Variants in CRADD observed in about 807,000 individuals in gnomAD.
CRADD encodes the protein death domain-containing protein CRADD.
In CRADD, 9 loss-of-function variants were observed where a neutral mutation model predicts 15.5. The observed-to-expected ratio is 0.58, with a 90% CI of 0.35 to 1.01. CRADD has a LOEUF of 1.01. Ranked by LOEUF, CRADD falls within the 50% of genes least tolerant of loss-of-function variation. The pLI is 0.02. For synonymous variants in CRADD, 118 were observed against 107.6 expected, an observed-to-expected ratio of 1.10 and a Z score of -0.60; for missense variants, 227 against 250.3, an observed-to-expected ratio of 0.91 and a Z score of 0.63.
intron 2 of CRADD, among the ~76,000 whole-genome samples, chr12:93,839,736 T>C (rs1034486500): frequency 6.6e-6 from 1 of 152,256 alleles, no homozygotes. Context: ...AATCACCTGT[T>C]CATACCTTTG....
chr12:93,853,991 A>G (rs75883000), downstream of CRADD, among the ~76,000 whole-genome samples: 1,230 of 152,312 alleles, frequency 8.1e-3, 12 homozygotes, highest in African/African-American at 0.026. Flanking sequence ...TACATTCATC[A>G]TATGTTACAA....
Position 93,700,205 on chromosome 12 carries a change from C to T in CRADD, c.298+21133C>T, listed in dbSNP as rs1003537579. On this transcript the variant is annotated intron_variant, in intron 2 of 2. Transcript: ENST00000332896. ...GTCCTGCTCCTGCCCTCAGTATTTC[C>T]GTCAATGTCATGGTTTTCTGAGTTA... Among the ~76,000 whole-genome samples, 82 of 152,244 alleles carry T rather than the reference C, an allele frequency of 5.4e-4. 1 individual carries two copies. The highest frequency in any genetic ancestry group is 1.7e-3 in the African/African-American group (72 of 41,540).
chr12:93,743,531 A>G (rs192821285), intron 2 of CRADD, among the ~76,000 whole-genome samples: 5 of 152,306 alleles, frequency 3.3e-5, no homozygotes, highest in Admixed American at 3.3e-4. Context: ...TGGTTTCGCC[A>G]TGTTGCCCAG....
intron 2 of CRADD, among the ~76,000 whole-genome samples, chr12:93,754,324 C>T (rs772004668): frequency 1.4e-4 from 22 of 152,378 alleles, no homozygotes; most frequent in Non-Finnish European, 2.9e-4. Flanking sequence ...CTCAAAGATG[C>T]CTGACATGCC....
intron 2 of CRADD, among the ~76,000 whole-genome samples, chr12:93,889,458 T>A (rs1958561046): frequency 6.6e-6 from 1 of 152,148 alleles, no homozygotes; most frequent in Admixed American, 6.5e-5. Context: ...AAATTCATGA[T>A]GACAGATAAA....
chr12:93,705,433 C>G (rs1453553469), intron 2 of CRADD, among the ~76,000 whole-genome samples: 9 of 152,184 alleles, frequency 5.9e-5, no homozygotes, highest in Non-Finnish European at 5.9e-5. Context: ...TTTCTGTGCT[C>G]TAGGGACAGT....
At chr12:93,757,592 T>G (rs1214904522) in intron 2 of CRADD, among the ~76,000 whole-genome samples, 1 of 152,166 alleles carries the variant, frequency 6.6e-6, no homozygotes, top group Admixed American at 6.5e-5. Flanking sequence ...AACTTGTCGT[T>G]TTTCTGTTCC....
At chr12:93,797,373 G>A (rs1466144746) in intron 2 of CRADD, among the ~76,000 whole-genome samples, 1 of 152,176 alleles carries the variant, frequency 6.6e-6, no homozygotes, top group East Asian at 1.9e-4. Context: ...GTGGATTTCA[G>A]GGGGTGAACT....
intron 2 of CRADD, among the ~76,000 whole-genome samples, chr12:93,766,878 A>C (rs1957031946): frequency 6.6e-6 from 1 of 152,202 alleles, no homozygotes; most frequent in African/African-American, 2.4e-5. Context: ...GTAGAAGAAG[A>C]TGTGTTGATT....
intron 2 of CRADD, among the ~76,000 whole-genome samples, chr12:93,840,117 A>T (rs1057193324): frequency 1.3e-5 from 2 of 152,184 alleles, no homozygotes; most frequent in Admixed American, 6.5e-5. Context: ...AGTTTGGGGA[A>T]AGCCTCTTCT....
At chr12:93,703,552 A>G (rs1360526062) in intron 2 of CRADD, among the ~76,000 whole-genome samples, 2 of 151,792 alleles carry the variant, frequency 1.3e-5, no homozygotes, top group Non-Finnish European at 2.9e-5. Flanking sequence ...TGTAGAGACG[A>G]GGTTTTACCA....
chr12:93,752,858 A>G (rs1160382813), intron 2 of CRADD, among the ~76,000 whole-genome samples: 1 of 152,212 alleles, frequency 6.6e-6, no homozygotes, highest in Non-Finnish European at 1.5e-5. Flanking sequence ...ACAGTTTTAC[A>G]TGGCTGGGGA....
intron 2 of CRADD, among the ~76,000 whole-genome samples, chr12:93,755,196 G>C (rs1956875334): frequency 6.6e-6 from 1 of 152,038 alleles, no homozygotes; most frequent in Non-Finnish European, 1.5e-5. Context: ...CTCCCACCAG[G>C]TCCCTCCCAT....
At chr12:93,774,051 G>A (rs1469202037) in intron 2 of CRADD, among the ~76,000 whole-genome samples, 2 of 149,964 alleles carry the variant, frequency 1.3e-5, no homozygotes, top group Admixed American at 6.7e-5. Context: ...GCCCAGGCTG[G>A]TCTTGAACTC....
intron 2 of CRADD, among the ~76,000 whole-genome samples, chr12:93,768,169 G>T (rs944896626): frequency 2.0e-4 from 30 of 152,236 alleles, no homozygotes; most frequent in African/African-American, 7.2e-4. Context: ...AAATAGAGTT[G>T]TTGCCACTAA....
intron 2 of CRADD, among the ~76,000 whole-genome samples, chr12:93,719,277 C>T (rs1045861387): frequency 8.5e-5 from 13 of 152,096 alleles, no homozygotes; most frequent in African/African-American, 3.1e-4. Context: ...GTTGAACCAG[C>T]CTTGCATAAT....
chr12:93,744,264 T>A (rs1956722209), intron 2 of CRADD, among the ~76,000 whole-genome samples: 2 of 152,184 alleles, frequency 1.3e-5, no homozygotes, highest in South Asian at 4.1e-4. Context: ...TGGCAGAATT[T>A]AGTTCCATGT....
intron 2 of CRADD, among the ~76,000 whole-genome samples, chr12:93,679,515 G>C (rs556644391): frequency 5.9e-5 from 9 of 152,192 alleles, no homozygotes; most frequent in Non-Finnish European, 1.3e-4. Flanking sequence ...AAGTGGGTAA[G>C]GATTTGGGAC....
chr12:93,738,285 G>A, intron 2 of CRADD: 1 of 682,720 alleles, frequency 1.5e-6, no homozygotes. Flanking sequence ...CTGTGGGGAT[G>A]AGGACCTGAA....
Sources: gnomAD v4.1 joint callset for allele counts (sites outside exome capture counted in the v4.1 genomes callset) on GRCh38, gnomAD v4.1.1 for gene constraint, MANE v1.5 for transcripts, NCBI Gene and HGNC (gene_info 2026-07-23, HGNC 2026-07-21) for gene names.